The following FGF12 variants were observed in gnomAD, a reference collection of about 807,000 sequenced individuals.
FGF12 encodes fibroblast growth factor 12B.
A neutral mutation model predicts 23.6 loss-of-function variants in FGF12; 14 were observed. The ratio of observed to expected loss-of-function variants is 0.59; its 90% CI spans 0.39 to 0.93. The LOEUF (loss-of-function observed/expected upper bound fraction) is 0.93, where lower values mean the gene tolerates loss of function less well. FGF12 is among the 40% of genes least tolerant of loss of function. The pLI, the probability that FGF12 is intolerant of heterozygous loss-of-function variation, is 0.00. For synonymous variants in FGF12, 62 were observed against 77.3 expected (o/e 0.80, Z 1.04); for missense variants, 175 against 217.8 (o/e 0.80, Z 1.24).
rs188561703 is a variant in FGF12 at position 192,443,399 on chromosome 3, A to G, written c.14-82861T>C. On this transcript the variant is annotated intron_variant, in intron 2 of 5. Transcript: ENST00000445105. ...AGATTTTAAATGTGGATAATAATAT[A>G]GAAGATAGATATTTTATAAAAATAT... 2.7e-4 allele frequency among the ~76,000 whole-genome samples: 41 copies of G among 152,330 alleles called. No individual in the cohort carries two copies. The East Asian group carries it at 7.9e-3, about 29-fold the overall frequency.
At chr3:192,715,447 T>C (rs577062920) in intron 2 of FGF12, among the ~76,000 whole-genome samples, 2 of 152,370 alleles carry the variant, frequency 1.3e-5, no homozygotes, top group Non-Finnish European at 2.9e-5. Flanking sequence ...AATGTCTCTC[T>C]ACCTTTGCAT....
intron 5 of FGF12, among the ~76,000 whole-genome samples, chr3:192,158,417 C>T (rs868062140): frequency 0.41 from 2,533 of 6,176 alleles, 144 homozygotes; most frequent in Middle Eastern, 0.75. Context: ...CTTTCTTTCT[C>T]TTTCTTTTTC....
chr3:192,314,486 C>G (rs190977935), intron 4 of FGF12, among the ~76,000 whole-genome samples: 2 of 152,102 alleles, frequency 1.3e-5, no homozygotes, highest in Admixed American at 1.3e-4. Context: ...AGAAAGCTCC[C>G]ATGTTATCTG....
intron 2 of FGF12, among the ~76,000 whole-genome samples, chr3:192,419,233 T>C (rs1721447239): frequency 6.6e-6 from 1 of 152,140 alleles, no homozygotes. Flanking sequence ...ACAGGTAAGA[T>C]AACATCATTT....
At chr3:192,459,996 C>G (rs552761226) in intron 2 of FGF12, among the ~76,000 whole-genome samples, 1 of 151,948 alleles carries the variant, frequency 6.6e-6, no homozygotes, top group Non-Finnish European at 1.5e-5. Context: ...TGATCTAGAT[C>G]AATCTAGTCT....
intron 2 of FGF12, among the ~76,000 whole-genome samples, chr3:192,568,076 G>A (rs149440537): frequency 6.6e-6 from 1 of 152,086 alleles, no homozygotes; most frequent in African/African-American, 2.4e-5. Context: ...CAGGTGATCT[G>A]CCTGCCTGGG....
At chr3:192,308,430 C>A (rs1453609393) in intron 4 of FGF12, among the ~76,000 whole-genome samples, 3 of 152,102 alleles carry the variant, frequency 2.0e-5, no homozygotes, top group East Asian at 1.9e-4. Flanking sequence ...GTAATCCCAG[C>A]ATTTTGGGAG....
intron 2 of FGF12, among the ~76,000 whole-genome samples, chr3:192,674,735 T>A (rs569711495): frequency 1.4e-4 from 22 of 152,354 alleles, no homozygotes; most frequent in Admixed American, 1.2e-3. Context: ...TTACTCAGCC[T>A]TAGTTGAGGA....
chr3:192,458,140 C>T (rs747910473), intron 2 of FGF12, among the ~76,000 whole-genome samples: 8 of 152,258 alleles, frequency 5.3e-5, no homozygotes, highest in Middle Eastern at 3.4e-3. Flanking sequence ...GATGCCCAGG[C>T]GAAAGTTTGC....
At chr3:192,669,744 AT>A (rs879656945) in intron 2 of FGF12, among the ~76,000 whole-genome samples, 8 of 150,690 alleles carry the variant, frequency 5.3e-5, no homozygotes, top group Non-Finnish European at 1.2e-4. Context: ...TTTCATTATC[AT>A]TTTCTTATGA....
At chr3:192,256,534 C>T (rs1487735307) in intron 4 of FGF12, among the ~76,000 whole-genome samples, 2 of 151,708 alleles carry the variant, frequency 1.3e-5, no homozygotes, top group Non-Finnish European at 2.9e-5. Flanking sequence ...ATGATGTGCT[C>T]TATACTAATT....
At chr3:192,685,321 G>A (rs1250111851) in intron 2 of FGF12, among the ~76,000 whole-genome samples, 1 of 152,224 alleles carries the variant, frequency 6.6e-6, no homozygotes, top group Non-Finnish European at 1.5e-5. Context: ...AAAGTGCTGG[G>A]ATTACAGGCG....
chr3:192,451,900 G>T (rs1722534366), intron 2 of FGF12, among the ~76,000 whole-genome samples: 1 of 152,198 alleles, frequency 6.6e-6, no homozygotes. Flanking sequence ...GTCTCCTGGT[G>T]ATGCGTAAAG....
At chr3:192,664,186 C>T (rs923680077) in intron 2 of FGF12, among the ~76,000 whole-genome samples, 5 of 152,144 alleles carry the variant, frequency 3.3e-5, no homozygotes, top group African/African-American at 1.2e-4. Context: ...ATGAATCTAT[C>T]ATGAGATATA....
chr3:192,632,822 A>C (rs1347955998), intron 2 of FGF12, among the ~76,000 whole-genome samples: 1 of 152,140 alleles, frequency 6.6e-6, no homozygotes, highest in South Asian at 2.1e-4. Flanking sequence ...GCATTTTCTC[A>C]TGGTTATAGA....
chr3:192,211,139 C>T (rs373648786), intron 4 of FGF12, among the ~76,000 whole-genome samples: 3 of 152,244 alleles, frequency 2.0e-5, no homozygotes, highest in South Asian at 4.1e-4. Context: ...GGACTGAAAG[C>T]TTGGATTTGA....
chr3:192,405,135 G>T (rs1417927959), intron 2 of FGF12, among the ~76,000 whole-genome samples: 1 of 150,990 alleles, frequency 6.6e-6, no homozygotes, highest in Non-Finnish European at 1.5e-5. Context: ...CATCTACAAA[G>T]ACAGAGATTT....
intron 2 of FGF12, among the ~76,000 whole-genome samples, chr3:192,382,068 C>A (rs1205182936): frequency 1.3e-5 from 2 of 151,948 alleles, no homozygotes; most frequent in Non-Finnish European, 2.9e-5. Flanking sequence ...GCGATCTCAG[C>A]CCACTGCAAC....
chr3:192,205,840 T>C (rs1717620731), intron 4 of FGF12, among the ~76,000 whole-genome samples: 1 of 152,142 alleles, frequency 6.6e-6, no homozygotes, highest in Non-Finnish European at 1.5e-5. Flanking sequence ...CTCCAGTCTT[T>C]ACATCCCTGC....
Sources: gnomAD v4.1 joint callset for allele counts (sites outside exome capture counted in the v4.1 genomes callset) on GRCh38, gnomAD v4.1.1 for gene constraint, MANE v1.5 for transcripts, NCBI Gene and HGNC (gene_info 2026-07-23, HGNC 2026-07-21) for gene names.